ZNF516: variants seen among roughly 807,000 people sequenced by gnomAD.
ZNF516 encodes the protein zinc finger protein 516.
In ZNF516, 19 loss-of-function variants were observed where a neutral mutation model predicts 79.7. That is an observed-to-expected ratio of 0.24 (90% confidence interval 0.17 to 0.35). The LOEUF is 0.35. Ranked by LOEUF, ZNF516 falls within the 10% of genes least tolerant of loss-of-function variation. The pLI is 1.00. For missense variants in ZNF516, 1,678 were observed against 1,679.5 expected (o/e 1.00, Z 0.02); for synonymous variants, 877 against 739.5 (o/e 1.19, Z -3.02).
rs1235337826 is a variant in ZNF516 at position 76,467,762 on chromosome 18, T to C, written c.-271-4621A>G. ...CAATTTCCTGCATTTGCAGGCATGT[T>C]CAAACTGTAAGCCCGTTCGATTCCT... On this transcript the variant is annotated intron_variant, in intron 1 of 6. Coordinates refer to ENST00000443185, the MANE Select transcript of ZNF516 (RefSeq NM_014643.4). This position sits in a 1 kb window ranked among gnomAD's most constrained non-coding sequence, Gnocchi z 4.2. Among the ~76,000 whole-genome samples the C allele has an allele frequency of 1.3e-5, 2 of 152,232 alleles. No individual in the cohort carries two copies. Among genetic ancestry groups the C allele is most frequent in the Non-Finnish European group, 2.9e-5 (2 of 68,046 alleles).
chr18:76,364,531 G>A (rs1411546683), intron 6 of ZNF516, among the ~76,000 whole-genome samples: 2 of 152,184 alleles, frequency 1.3e-5, no homozygotes, highest in African/African-American at 2.4e-5. Context: ...CAGTAATGCT[G>A]AAAGACATAC....
intron 4 of ZNF516, among the ~76,000 whole-genome samples, chr18:76,373,157 A>T (rs951603347): frequency 6.6e-6 from 1 of 152,032 alleles, no homozygotes; most frequent in Admixed American, 6.5e-5. Context: ...CTTGAATGAA[A>T]GAAAGAAAAG....
At chr18:76,491,094 C>G (rs1915158741) in intron 1 of ZNF516, 1 of 985,104 alleles carries the variant, frequency 1.0e-6, no homozygotes, top group Non-Finnish European at 1.2e-6. Flanking sequence ...TCCTCGGGGC[C>G]ACGCCTTTCC....
chr18:76,384,887 C>T (rs377431489), intron 3 of ZNF516, among the ~76,000 whole-genome samples: 47 of 152,242 alleles, frequency 3.1e-4, no homozygotes, highest in African/African-American at 1.1e-3. Context: ...CTGATTTGAG[C>T]ATGGCGTGGC....
At chr18:76,390,268 A>C (rs2075052126) in intron 3 of ZNF516, among the ~76,000 whole-genome samples, 2 of 152,202 alleles carry the variant, frequency 1.3e-5, no homozygotes, top group Admixed American at 6.5e-5. Flanking sequence ...CAAACTGGTC[A>C]TTTTGATATG....
intron 1 of ZNF516, among the ~76,000 whole-genome samples, chr18:76,466,389 C>CA (rs1350169242): frequency 3.9e-5 from 6 of 152,190 alleles, no homozygotes; most frequent in African/African-American, 1.4e-4. Flanking sequence ...GTCAGTTCCC[C>CA]ACTCCCATAA....
rs373304915 is a variant in ZNF516 at position 76,379,812 on chromosome 18, T to C, written c.2302A>G (p.Lys768Glu). The stretch of plus-strand genomic sequence containing the variant: ...CACAGGACCTCGGGGTAGTAGGTCT[T>C]GTGGCTGCAGTAAGGACACGGGTGA... ...VVHPCPYCSH[K>E]TYYPEVLWMH... The change falls in exon 4 of 7, where the codon AAG becomes GAG. Residue 768 changes from lysine to glutamate, a missense_variant. Lys to Glu is a moderately conservative substitution (Grantham distance 56). Around this residue, in one of 5 missense-constraint regions of ZNF516, gnomAD observed 1,294 missense variants for 1,248.3 expected, o/e 1.04. Coordinates refer to ENST00000443185, the MANE Select transcript of ZNF516 (RefSeq NM_014643.4). 1.4e-5 allele frequency: 23 copies of C among 1,613,816 alleles called. No homozygotes were observed. In the African/African-American group the frequency reaches 1.7e-4, roughly 12 times the overall value.
intron 3 of ZNF516, chr18:76,386,658 G>A (rs2074997223): frequency 6.6e-6 from 1 of 152,050 alleles, no homozygotes; most frequent in Non-Finnish European, 1.5e-5. Flanking sequence ...CCAGAAAGAG[G>A]CCCTTTAATG....
At chr18:76,448,542 C>T (rs1056219839) in intron 2 of ZNF516, among the ~76,000 whole-genome samples, 1 of 152,184 alleles carries the variant, frequency 6.6e-6, no homozygotes, top group African/African-American at 2.4e-5. Flanking sequence ...ACTGCAAAGC[C>T]TTGATACAAC....
At chr18:76,462,790 T>G (rs1196448827) in intron 2 of ZNF516, among the ~76,000 whole-genome samples, 4 of 152,224 alleles carry the variant, frequency 2.6e-5, no homozygotes, top group Non-Finnish European at 2.9e-5. Flanking sequence ...GAAAACCTCA[T>G]TCACACTGTG....
chr18:76,374,128 C>A (rs11150948), intron 4 of ZNF516, among the ~76,000 whole-genome samples: 90,550 of 152,114 alleles, frequency 0.6, 29,191 homozygotes, highest in East Asian at 0.79. Context: ...AAGCACAAAG[C>A]TTTCATCACC....
rs2075805011 is a variant in ZNF516 at position 76,440,750 on chromosome 18, G to GTT, written c.1810+494_1810+495insAA. Among the ~76,000 whole-genome samples the GTT allele has an allele frequency of 6.0e-5, 9 of 148,968 alleles. No homozygotes were observed. In the South Asian group the frequency reaches 1.9e-3, roughly 31 times the overall value. On this transcript the variant is annotated intron_variant, in intron 3 of 6. Transcript: ENST00000443185. ...AGTGTGTGTGTGTGTGTTTGTGTGT[G>GTT]TGTGTGTGTGTGCGCGCACGCGCGC...
At chr18:76,469,858 A>G (rs535934357) in intron 1 of ZNF516, among the ~76,000 whole-genome samples, 13 of 152,364 alleles carry the variant, frequency 8.5e-5, no homozygotes, top group South Asian at 6.2e-4. Context: ...TATGTTACAT[A>G]TATTTTATCA....
intron 3 of ZNF516, among the ~76,000 whole-genome samples, chr18:76,406,135 C>T (rs1018495723): frequency 1.3e-5 from 2 of 152,332 alleles, no homozygotes; most frequent in South Asian, 2.1e-4. Flanking sequence ...CCGGAGGCAC[C>T]GCCCGGCCTG....
intron 3 of ZNF516, among the ~76,000 whole-genome samples, chr18:76,413,346 C>A (rs1179079261): frequency 6.6e-6 from 1 of 152,136 alleles, no homozygotes; most frequent in African/African-American, 2.4e-5. Flanking sequence ...CCTTCTCTGG[C>A]GGACGCCAGG....
At chr18:76,431,087 G>A (rs2075654455) in intron 3 of ZNF516, among the ~76,000 whole-genome samples, 1 of 152,122 alleles carries the variant, frequency 6.6e-6, no homozygotes, top group Non-Finnish European at 1.5e-5. Context: ...AAAGGCTTAT[G>A]CAAATTATAT....
Position 76,487,131 on chromosome 18 carries a change from T to C in ZNF516, c.-272+8013A>G, listed in dbSNP as rs549841866. ...TTAAAGATTAAATGCCAGATCTTTT[T>C]TGGAAATGACTTTTAAGGCATGTTG... On this transcript the variant is annotated intron_variant, in intron 1 of 6. Transcript: ENST00000443185. Among the ~76,000 whole-genome samples the C allele has an allele frequency of 5.3e-5, 8 of 152,372 alleles. No homozygotes were observed. In the South Asian group the frequency reaches 1.0e-3, roughly 20 times the overall value.
rs113750512 is a variant in ZNF516, at chr18:76,473,655, T to G, written c.-271-10514A>C. 8.4e-3 allele frequency among the ~76,000 whole-genome samples: 1,279 copies of G among 151,884 alleles called. 8 individuals carry two copies. Among genetic ancestry groups the G allele is most frequent in the Middle Eastern group, 0.027 (8 of 294 alleles). On this transcript the variant is annotated intron_variant, in intron 1 of 6. Coordinates refer to ENST00000443185, the MANE Select transcript of ZNF516 (RefSeq NM_014643.4). ...TCTCTACTAAAAATACAAAAAATTA[T>G]CCAGGCTTGGTGGTGGGCGCCTGTA...
In ZNF516 at chr18:76,385,651, A is replaced by G. The variant is rs183515137; in HGVS notation, c.1811-5348T>C. Reference sequence around the variant, plus strand: ...GCCTCTTTTCTTCTTTGAAAAATAAACAGGACCCCAGGAGCGCCCTGCTGG... The same window carrying G: ...GCCTCTTTTCTTCTTTGAAAAATAAGCAGGACCCCAGGAGCGCCCTGCTGG... On this transcript the variant is annotated intron_variant, in intron 3 of 6. Coordinates refer to ENST00000443185, the MANE Select transcript of ZNF516 (RefSeq NM_014643.4). 11 of 152,338 alleles carry G rather than the reference A, an allele frequency of 7.2e-5. No homozygotes were observed. The East Asian group carries it at 2.1e-3, about 29-fold the overall frequency. The allele number at this position is 152,338 out of a possible 1,614,324, so 9.4% of individuals were successfully genotyped here.
Sources: allele counts gnomAD v4.1 joint callset (sites outside exome capture counted in the v4.1 genomes callset), GRCh38; gene constraint gnomAD v4.1.1; regional missense constraint gnomAD v4.1.1; non-coding constraint Gnocchi (gnomAD v3.1); transcripts MANE v1.5; gene names NCBI Gene and HGNC (gene_info 2026-07-23, HGNC 2026-07-21).